The following VPS13B variants were observed in gnomAD, a reference collection of about 807,000 sequenced individuals.
VPS13B encodes intermembrane lipid transfer protein VPS13B.
A neutral mutation model predicts 426.4 loss-of-function variants in VPS13B; 285 were observed. The ratio of observed to expected loss-of-function variants is 0.67; its 90% CI spans 0.61 to 0.74. The LOEUF (loss-of-function observed/expected upper bound fraction) is 0.74. VPS13B is among the 30% of genes least tolerant of loss of function. The probability of loss-of-function intolerance (pLI) is 0.00; values close to 1 mark genes in which losing one functional copy is unlikely to be tolerated. For missense variants in VPS13B, 4,537 were observed against 4,782.6 expected, an observed-to-expected ratio of 0.95 and a Z score of 1.51; for synonymous variants, 1,676 against 1,676.4, an observed-to-expected ratio of 1.00 and a Z score of 0.01.
At chr8:99,362,035 CCTCT>C (rs1812590089) in intron 19 of VPS13B, among the ~76,000 whole-genome samples, 2 of 152,108 alleles carry the variant, frequency 1.3e-5, no homozygotes, top group African/African-American at 4.8e-5. Context: ...GTCTTCTGCT[CCTCT>C]CTGTTTCCAT....
At position 99,385,422 on chromosome 8, in the gene VPS13B, G is replaced by A. The variant is rs141351211; in HGVS notation, c.2934+1105G>A. Among the ~76,000 whole-genome samples, 52 of 152,296 alleles carry A rather than the reference G, an allele frequency of 3.4e-4. No homozygotes were observed. The East Asian group carries it at 9.8e-3, about 29-fold the overall frequency. ...GAAGAATACACAATTTTATAATTAT[G>A]TAAGAATTAAAAAGTTTAACAAAAA... On this transcript the variant is annotated intron_variant, in intron 20 of 61. Transcript: ENST00000357162.
At chr8:99,314,694 T>C (rs1202970466) in intron 19 of VPS13B, among the ~76,000 whole-genome samples, 3 of 151,090 alleles carry the variant, frequency 2.0e-5, no homozygotes, top group Admixed American at 2.0e-4. Flanking sequence ...CATGCAATCC[T>C]CCTGCCTTGG....
chr8:99,275,259 G>A lies in VPS13B; in HGVS notation c.2824+5G>A. On this transcript the variant is annotated splice_donor_5th_base_variant and intron_variant, in intron 19 of 61. Coordinates refer to ENST00000357162, the MANE Select transcript of VPS13B (RefSeq NM_152564.5). ...TTGACTACTGCCACAATTCCGGTAA[G>A]TACAAACCTATCATTATTCCCTTGT... 1 of 1,516,884 alleles carries A rather than the reference G, an allele frequency of 6.6e-7. No homozygotes were observed. The highest frequency in any genetic ancestry group is 8.9e-7 in the Non-Finnish European group (1 of 1,118,698). 94.0% of individuals were successfully genotyped at this position (1,516,884 alleles called of 1,614,324 possible).
intron 22 of VPS13B, among the ~76,000 whole-genome samples, chr8:99,441,175 C>T (rs1226291927): frequency 6.6e-6 from 1 of 152,004 alleles, no homozygotes; most frequent in Non-Finnish European, 1.5e-5. Context: ...CAAAATTTTA[C>T]CTGTATTTTT....
intron 3 of VPS13B, among the ~76,000 whole-genome samples, chr8:99,052,664 A>G (rs1843622665): frequency 6.6e-6 from 1 of 150,542 alleles, no homozygotes; most frequent in Admixed American, 6.6e-5. Context: ...CTGGTCCTGG[A>G]CTTTTTTTGG....
At chr8:99,400,868 C>T (rs1814996109) in intron 21 of VPS13B, among the ~76,000 whole-genome samples, 1 of 152,142 alleles carries the variant, frequency 6.6e-6, no homozygotes, top group African/African-American at 2.4e-5. Flanking sequence ...GACAGGGTTT[C>T]ACCATGTTGG....
In VPS13B at chr8:99,761,742, CT is replaced by C. The variant is rs1397752546; in HGVS notation, c.7051-5028del. ...CAATAGGTATATTAATATGCTTTTT[CT>C]TTTGGGTGGATGATAGGCAATTTTA... On this transcript the variant is annotated intron_variant, in intron 39 of 61. Transcript: ENST00000357162. Among the ~76,000 whole-genome samples the C allele has an allele frequency of 2.6e-5, 4 of 152,078 alleles. No homozygotes were observed. In the East Asian group the frequency reaches 7.7e-4, roughly 29 times the overall value.
intron 17 of VPS13B, among the ~76,000 whole-genome samples, chr8:99,202,846 G>A (rs1588137227): frequency 1.3e-5 from 2 of 151,788 alleles, no homozygotes; most frequent in African/African-American, 4.8e-5. Context: ...TGGCTAACAC[G>A]GTGAAACCCT....
intron 16 of VPS13B, among the ~76,000 whole-genome samples, chr8:99,184,001 A>G (rs911419222): frequency 6.6e-6 from 1 of 152,186 alleles, no homozygotes; most frequent in African/African-American, 2.4e-5. Flanking sequence ...GGAATCTATA[A>G]TATGTTGTGG....
intron 19 of VPS13B, among the ~76,000 whole-genome samples, chr8:99,309,249 C>A (rs1820818217): frequency 6.6e-6 from 1 of 152,162 alleles, no homozygotes; most frequent in Non-Finnish European, 1.5e-5. Flanking sequence ...GATATGAAGT[C>A]ATTGCCCATG....
intron 31 of VPS13B, among the ~76,000 whole-genome samples, chr8:99,561,071 C>T (rs1340626640): frequency 6.6e-6 from 1 of 152,086 alleles, no homozygotes; most frequent in Non-Finnish European, 1.5e-5. Context: ...TTAAGGTGAA[C>T]ATTTAGTGGC....
In VPS13B at chr8:99,828,417, T is replaced by G. The variant is rs1460409461; in HGVS notation, c.9331-3952T>G. ...CCGTTTTTTTTTTTTTTTTTTTTTT[T>G]TTTTTTTTTTTTTTTTTGCTTTCCA... On this transcript the variant is annotated intron_variant, in intron 51 of 61. Transcript: ENST00000357162. 5.9e-5 allele frequency among the ~76,000 whole-genome samples: 7 copies of G among 119,556 alleles called. No individual in the cohort carries two copies. In the East Asian group the frequency reaches 9.3e-4, roughly 16 times the overall value. The allele number at this position is 119,556 out of a possible 152,430, so 78.4% of individuals were successfully genotyped here. A position where few individuals can be genotyped will look rare whatever the true frequency, so the allele number is the denominator to read the frequency against.
chr8:99,069,401 G>A (rs1201108989), intron 3 of VPS13B, among the ~76,000 whole-genome samples: 2 of 152,200 alleles, frequency 1.3e-5, no homozygotes, highest in Non-Finnish European at 2.9e-5. Flanking sequence ...ACCACTGCCA[G>A]CCTGGGTGAC....
At chr8:99,341,113 C>A in intron 19 of VPS13B, 1 of 273,244 alleles carries the variant, frequency 3.7e-6, no homozygotes, top group South Asian at 5.4e-5. Context: ...TTACAAAGGT[C>A]AGCATTCTTT....
At chr8:99,855,180 A>G (rs1337649729) in intron 56 of VPS13B, among the ~76,000 whole-genome samples, 2 of 152,176 alleles carry the variant, frequency 1.3e-5, no homozygotes, top group Non-Finnish European at 2.9e-5. Context: ...GTTCAAGACC[A>G]GCTTGGCCAA....
chr8:99,319,738 C>A (rs1439740744), intron 19 of VPS13B, among the ~76,000 whole-genome samples: 1 of 152,146 alleles, frequency 6.6e-6, no homozygotes, highest in East Asian at 1.9e-4. Flanking sequence ...GGATTTGATT[C>A]TTGTTTCTTC....
chr8:99,394,651 A>G (rs1319250450), intron 21 of VPS13B, among the ~76,000 whole-genome samples: 5 of 152,208 alleles, frequency 3.3e-5, no homozygotes. Context: ...TTGAAATGTT[A>G]TAAACCTTAA....
chr8:99,589,498 T>G (rs1826494698), intron 33 of VPS13B, among the ~76,000 whole-genome samples: 1 of 151,732 alleles, frequency 6.6e-6, no homozygotes, highest in Non-Finnish European at 1.5e-5. Flanking sequence ...GAATGATGGT[T>G]TCCAGTTTCA....
intron 34 of VPS13B, among the ~76,000 whole-genome samples, chr8:99,642,887 G>A (rs1164750271): frequency 6.6e-6 from 1 of 152,060 alleles, no homozygotes; most frequent in African/African-American, 2.4e-5. Context: ...AGAAGATGAA[G>A]TTTGTTTTTG....
Sources: allele counts gnomAD v4.1 joint callset (sites outside exome capture counted in the v4.1 genomes callset), GRCh38; gene constraint gnomAD v4.1.1; transcripts MANE v1.5; gene names NCBI Gene and HGNC (gene_info 2026-07-23, HGNC 2026-07-21).